DCDC1: variants seen among roughly 807,000 people sequenced by gnomAD.
The protein encoded by DCDC1 is doublecortin domain-containing protein 1.
A neutral mutation model predicts 178.3 loss-of-function variants in DCDC1; 200 were observed. The observed-to-expected ratio is 1.12, with a 90% CI of 1.00 to 1.26. The LOEUF (loss-of-function observed/expected upper bound fraction) is 1.26. Among genes scored for constraint, DCDC1 ranks in the 50% most tolerant of loss-of-function variants. The pLI is 0.00. For synonymous variants in DCDC1, 690 were observed against 604.8 expected, an observed-to-expected ratio of 1.14 and a Z score of -2.07; for missense variants, 1,983 against 1,749.2, an observed-to-expected ratio of 1.13 and a Z score of -2.38.
intron 9 of DCDC1, among the ~76,000 whole-genome samples, chr11:31,157,372 A>AAAAAAAAATAT (rs71060478): frequency 1.0e-5 from 1 of 96,878 alleles, no homozygotes; most frequent in Non-Finnish European, 2.1e-5. Flanking sequence ...AAAAAAAAAA[A>AAAAAAAAATAT]ATATATATAT....
chr11:30,898,798 A>T (rs1006316970), intron 34 of DCDC1, among the ~76,000 whole-genome samples: 1 of 152,178 alleles, frequency 6.6e-6, no homozygotes, highest in African/African-American at 2.4e-5. Context: ...TTGAAGCAAG[A>T]TTCATATGCT....
At chr11:30,905,196 C>T in intron 30 of DCDC1, 32 bp from the exon 31 acceptor site, 1 of 1,544,226 alleles carries the variant, frequency 6.5e-7, no homozygotes. Context: ...TGTACATTTA[C>T]TCAAACTTTC....
chr11:30,917,920 AC>A (rs1478969402), intron 25 of DCDC1, among the ~76,000 whole-genome samples: 1 of 152,194 alleles, frequency 6.6e-6, no homozygotes, highest in African/African-American at 2.4e-5. Context: ...AGCAGAGCTG[AC>A]CGTACTCTTT....
chr11:31,129,104 T>A (rs1177886573), intron 10 of DCDC1, among the ~76,000 whole-genome samples: 1 of 152,162 alleles, frequency 6.6e-6, no homozygotes, highest in Non-Finnish European at 1.5e-5. Context: ...AATCCATTAT[T>A]TCTATCCCTT....
At chr11:31,162,256 A>G (rs978224991) in intron 9 of DCDC1, among the ~76,000 whole-genome samples, 2 of 152,182 alleles carry the variant, frequency 1.3e-5, no homozygotes, top group African/African-American at 4.8e-5. Context: ...AAATATCTTT[A>G]AATTCTAGCA....
intron 21 of DCDC1, among the ~76,000 whole-genome samples, chr11:30,945,697 A>AACCT (rs1947980301): frequency 6.8e-6 from 1 of 146,630 alleles, no homozygotes; most frequent in Non-Finnish European, 1.5e-5. Context: ...CCATCTCAAA[A>AACCT]ATCTATCTAT....
chr11:30,930,438 G>C (rs951802605), intron 22 of DCDC1, among the ~76,000 whole-genome samples: 1 of 152,134 alleles, frequency 6.6e-6, no homozygotes, highest in Non-Finnish European at 1.5e-5. Context: ...TAGAGTTTTA[G>C]TGTTAAGTGT....
intron 9 of DCDC1, among the ~76,000 whole-genome samples, chr11:31,240,143 T>A (rs1382582845): frequency 1.3e-5 from 2 of 151,960 alleles, no homozygotes; most frequent in Non-Finnish European, 2.9e-5. Flanking sequence ...TTCCAAAAAA[T>A]TATTGTAATG....
chr11:31,153,085 G>A (rs1392697946), intron 9 of DCDC1, among the ~76,000 whole-genome samples: 1 of 152,116 alleles, frequency 6.6e-6, no homozygotes, highest in African/African-American at 2.4e-5. Flanking sequence ...ATATACCTAT[G>A]TTTTGGATTT....
chr11:31,046,209 G>A (rs1387372227), intron 20 of DCDC1, among the ~76,000 whole-genome samples: 2 of 152,134 alleles, frequency 1.3e-5, no homozygotes, highest in Non-Finnish European at 1.5e-5. Context: ...CATAAAGTGT[G>A]TTTGCTTTTG....
intron 9 of DCDC1, among the ~76,000 whole-genome samples, chr11:31,211,865 G>A (rs1432298136): frequency 6.6e-6 from 1 of 152,022 alleles, no homozygotes; most frequent in Admixed American, 6.6e-5. Flanking sequence ...GGTGGATCAC[G>A]AGGTCAGGAG....
chr11:30,976,770 T>C (rs531916546), intron 20 of DCDC1, among the ~76,000 whole-genome samples: 9 of 152,314 alleles, frequency 5.9e-5, no homozygotes, highest in African/African-American at 1.7e-4. Context: ...GAAAACAGTA[T>C]GGAGATTTCT....
intron 2 of DCDC1, among the ~76,000 whole-genome samples, chr11:31,333,363 A>C (rs1252100604): frequency 1.3e-5 from 2 of 152,164 alleles, no homozygotes; most frequent in Non-Finnish European, 2.9e-5. Context: ...TAATTGGGGC[A>C]TTTAGCCCAT....
intron 1 of DCDC1, among the ~76,000 whole-genome samples, chr11:31,363,150 T>C (rs1951793131): frequency 6.6e-6 from 1 of 152,160 alleles, no homozygotes; most frequent in Non-Finnish European, 1.5e-5. Flanking sequence ...TGTGTAATTA[T>C]ATATTAACTA....
At position 30,906,646 on chromosome 11, in the gene DCDC1, T is replaced by C; in HGVS notation, c.3998A>G (p.Lys1333Arg). The C allele has an allele frequency of 6.2e-7, 1 of 1,613,630 alleles. No individual in the cohort carries two copies. Among genetic ancestry groups the C allele is most frequent in the African/African-American group, 1.3e-5 (1 of 75,014 alleles). ...LACGQSMRTEKGLKQLLPGVP... is the reference protein window; with the variant it reads ...LACGQSMRTERGLKQLLPGVP... ...CCCTGGAAGCAATTGTTTCAGTCCTTTCTCTGTTCTCATGGATTGTCCACA... is the reference window on the plus strand; with the variant it reads ...CCCTGGAAGCAATTGTTTCAGTCCTCTCTCTGTTCTCATGGATTGTCCACA... Residue 1333 changes from lysine (K) to arginine (R), a missense_variant, in exon 30 of 39, where the codon AAA becomes AGA. Coordinates refer to ENST00000684477, the MANE Select transcript of DCDC1 (RefSeq NM_001387274.1).
At chr11:30,935,626 T>C (rs1947229886) in intron 21 of DCDC1, among the ~76,000 whole-genome samples, 1 of 151,836 alleles carries the variant, frequency 6.6e-6, no homozygotes. Context: ...CAATCTCAGC[T>C]CACTGCAACC....
intron 2 of DCDC1, among the ~76,000 whole-genome samples, chr11:31,333,853 G>A (rs1337797227): frequency 1.3e-5 from 2 of 152,090 alleles, no homozygotes; most frequent in Non-Finnish European, 2.9e-5. Context: ...ACAATTATGT[G>A]TCTTGGGGTT....
chr11:31,283,500 T>C (rs1357117124), intron 7 of DCDC1, among the ~76,000 whole-genome samples: 1 of 152,088 alleles, frequency 6.6e-6, no homozygotes, highest in Non-Finnish European at 1.5e-5. Flanking sequence ...CGTGAACATA[T>C]TTATAATCAC....
In DCDC1 at chr11:31,368,435, G is replaced by C. The variant is rs981854053; in HGVS notation, c.-125+1262C>G. On this transcript the variant is annotated intron_variant, in intron 1 of 38. Coordinates refer to ENST00000684477, the MANE Select transcript of DCDC1 (RefSeq NM_001387274.1). Reference sequence around the variant, plus strand: ...CATTCTGACAGTACTGTTTAGAAAAGCATTCACCACACTACTTAATTCCAT... The same window carrying C: ...CATTCTGACAGTACTGTTTAGAAAACCATTCACCACACTACTTAATTCCAT... Among the ~76,000 whole-genome samples, 3 of 152,234 alleles carry C rather than the reference G, an allele frequency of 2.0e-5. No individual in the cohort carries two copies. The East Asian group carries it at 5.8e-4, about 29-fold the overall frequency.
Sources: allele counts gnomAD v4.1 joint callset (sites outside exome capture counted in the v4.1 genomes callset), GRCh38; gene constraint gnomAD v4.1.1; transcripts MANE v1.5; gene names NCBI Gene and HGNC (gene_info 2026-07-23, HGNC 2026-07-21).